The following PDGFD variants were observed in gnomAD, a reference collection of about 807,000 sequenced individuals.
PDGFD encodes the protein platelet-derived growth factor D.
PDGFD carries 30 observed loss-of-function variants against 44.7 expected under a neutral mutation model. That is an observed-to-expected ratio of 0.67 (90% CI 0.50 to 0.91). The LOEUF is 0.91. Ranked by LOEUF, PDGFD falls within the 40% of genes least tolerant of loss-of-function variation. PDGFD has a pLI of 0.00. For missense variants in PDGFD, 445 were observed against 457.8 expected (o/e 0.97, Z 0.25); for synonymous variants, 173 against 168.4 (o/e 1.03, Z -0.21).
At chr11:104,054,578 A>G (rs944931370) in intron 1 of PDGFD, among the ~76,000 whole-genome samples, 2 of 152,230 alleles carry the variant, frequency 1.3e-5, no homozygotes, top group Non-Finnish European at 2.9e-5. Context: ...CACGTCGGCA[A>G]AGCCTTTGGA....
At chr11:104,150,686 C>T (rs115198002) in intron 1 of PDGFD, among the ~76,000 whole-genome samples, 273 of 152,256 alleles carry the variant, frequency 1.8e-3, no homozygotes, top group African/African-American at 6.4e-3. Context: ...TTGCTGCTGG[C>T]ATTCCTTGGC....
chr11:104,090,146 T>A (rs1467635723), intron 1 of PDGFD, among the ~76,000 whole-genome samples: 1 of 152,190 alleles, frequency 6.6e-6, no homozygotes, highest in Non-Finnish European at 1.5e-5. Context: ...TTCTCTTTTT[T>A]TTCTCAAAAC....
intron 1 of PDGFD, among the ~76,000 whole-genome samples, chr11:104,039,444 C>G (rs1045786814): frequency 6.6e-6 from 1 of 151,848 alleles, no homozygotes; most frequent in African/African-American, 2.4e-5. Context: ...TCTCCATATA[C>G]TTTTTGTTTT....
chr11:104,132,101 G>A lies in PDGFD; in HGVS notation c.124+31703C>T, dbSNP rs952076388. 2.6e-5 allele frequency among the ~76,000 whole-genome samples: 4 copies of A among 152,090 alleles called. 1 individual carries two copies. Among genetic ancestry groups the A allele is most frequent in the Admixed American group, 2.6e-4 (4 of 15,244 alleles). On this transcript the variant is annotated intron_variant, in intron 1 of 6. Transcript: ENST00000393158. ...CAGGTAAGTATCAGAAATTCAGATA[G>A]TGTTAGATAAAACTCTCTCTTTTTA...
At chr11:104,161,392 G>A (rs1862385718) in intron 1 of PDGFD, among the ~76,000 whole-genome samples, 1 of 152,106 alleles carries the variant, frequency 6.6e-6, no homozygotes, top group South Asian at 2.1e-4. Context: ...GACAATGTCT[G>A]GAATCAGAAC....
chr11:104,108,740 G>A (rs146506111), intron 1 of PDGFD, among the ~76,000 whole-genome samples: 15,663 of 151,956 alleles, frequency 0.1, 960 homozygotes, highest in East Asian at 0.32. Flanking sequence ...TGCTATAAAG[G>A]CACATGCACA....
chr11:104,088,710 G>A (rs1258862813), intron 1 of PDGFD, among the ~76,000 whole-genome samples: 3 of 152,154 alleles, frequency 2.0e-5, no homozygotes, highest in African/African-American at 7.2e-5. Flanking sequence ...TGAAGAAGAA[G>A]GCAAAGATCT....
At chr11:104,094,132 G>A (rs534619261) in intron 1 of PDGFD, among the ~76,000 whole-genome samples, 30 of 141,334 alleles carry the variant, frequency 2.1e-4, no homozygotes, top group African/African-American at 6.8e-4. Context: ...TCTTAAACCA[G>A]CCCTCTCAGC....
At chr11:104,090,661 G>A (rs1861200245) in intron 1 of PDGFD, among the ~76,000 whole-genome samples, 1 of 151,086 alleles carries the variant, frequency 6.6e-6, no homozygotes, top group South Asian at 2.1e-4. Flanking sequence ...GCAGAACAAG[G>A]CACTGTGGAA....
chr11:103,912,133 A>G (rs1001599287), intron 6 of PDGFD, among the ~76,000 whole-genome samples: 9 of 152,192 alleles, frequency 5.9e-5, no homozygotes, highest in African/African-American at 2.2e-4. Context: ...GGAGAACACC[A>G]TAAAGATACT....
At chr11:104,017,595 A>G (rs1859878437) in intron 1 of PDGFD, among the ~76,000 whole-genome samples, 2 of 152,216 alleles carry the variant, frequency 1.3e-5, no homozygotes, top group Admixed American at 1.3e-4. Context: ...ATAAATTCCA[A>G]TGCCTAAACA....
chr11:104,025,999 C>T (rs544998061), intron 1 of PDGFD, among the ~76,000 whole-genome samples: 1 of 152,172 alleles, frequency 6.6e-6, no homozygotes, highest in South Asian at 2.1e-4. Flanking sequence ...GCACTCTGTA[C>T]TGGGACAGGA....
At chr11:104,066,762 T>G (rs545019375) in intron 1 of PDGFD, among the ~76,000 whole-genome samples, 105 of 152,308 alleles carry the variant, frequency 6.9e-4, no homozygotes, top group African/African-American at 2.4e-3. Flanking sequence ...TTGGCATCAC[T>G]GATTGATCCC....
chr11:104,120,534 T>C (rs907899267), intron 1 of PDGFD, among the ~76,000 whole-genome samples: 5 of 151,928 alleles, frequency 3.3e-5, no homozygotes, highest in African/African-American at 1.2e-4. Flanking sequence ...TATTCAATAT[T>C]ATCTTTTAAT....
chr11:103,932,135 C>G (rs1048953058), intron 5 of PDGFD, among the ~76,000 whole-genome samples: 4 of 151,926 alleles, frequency 2.6e-5, no homozygotes, highest in Non-Finnish European at 5.9e-5. Flanking sequence ...CTTCATAGAC[C>G]TTGTTTTGTT....
At chr11:104,002,787 C>T (rs901570481) in intron 1 of PDGFD, among the ~76,000 whole-genome samples, 6 of 152,008 alleles carry the variant, frequency 3.9e-5, no homozygotes, top group African/African-American at 4.8e-5. Context: ...TTATTAGTTT[C>T]TCTCTAAATT....
At chr11:103,953,375 C>CA (rs1858787483) in intron 3 of PDGFD, among the ~76,000 whole-genome samples, 1 of 151,806 alleles carries the variant, frequency 6.6e-6, no homozygotes, top group African/African-American at 2.4e-5. Flanking sequence ...CCATATCATA[C>CA]AATATTGCTA....
chr11:104,115,298 T>A (rs1331851420), intron 1 of PDGFD, among the ~76,000 whole-genome samples: 1 of 149,896 alleles, frequency 6.7e-6, no homozygotes, highest in Non-Finnish European at 1.5e-5. Flanking sequence ...TATATATGAC[T>A]ATATATGATG....
At chr11:104,004,764 T>C (rs1042380604) in intron 1 of PDGFD, among the ~76,000 whole-genome samples, 1 of 152,144 alleles carries the variant, frequency 6.6e-6, no homozygotes, top group Non-Finnish European at 1.5e-5. Context: ...TCTAAGCAAT[T>C]TGCATACTTC....
Sources: allele counts gnomAD v4.1 joint callset (sites outside exome capture counted in the v4.1 genomes callset), GRCh38; gene constraint gnomAD v4.1.1; transcripts MANE v1.5; gene names NCBI Gene and HGNC (gene_info 2026-07-23, HGNC 2026-07-21).